SERGEF: variants seen among roughly 807,000 people sequenced by gnomAD.
SERGEF encodes the protein secretion regulating guanine nucleotide exchange factor, also known as secretion-regulating guanine nucleotide exchange factor.
In SERGEF, 51 loss-of-function variants were observed where a neutral mutation model predicts 50.0. That is an observed-to-expected ratio of 1.02 (90% CI 0.81 to 1.29). The LOEUF is 1.29. Ranked by LOEUF, SERGEF falls within the 50% of genes most tolerant of loss-of-function variation. The pLI is 0.00. For missense variants in SERGEF, 521 were observed against 557.0 expected, an observed-to-expected ratio of 0.94 and a Z score of 0.65; for synonymous variants, 205 against 212.4, an observed-to-expected ratio of 0.97 and a Z score of 0.30.
At chr11:17,852,838 C>A (rs1033817085) in intron 10 of SERGEF, among the ~76,000 whole-genome samples, 1 of 152,146 alleles carries the variant, frequency 6.6e-6, no homozygotes, top group Non-Finnish European at 1.5e-5. Context: ...CAAGGTCAGA[C>A]CGTGGGTAGG....
intron 10 of SERGEF, among the ~76,000 whole-genome samples, chr11:17,812,935 T>A (rs1849901010): frequency 6.6e-6 from 1 of 152,200 alleles, no homozygotes; most frequent in Non-Finnish European, 1.5e-5. Flanking sequence ...TTGGAGAGCG[T>A]GAAGGCAATG....
chr11:17,973,084 C>T (rs1040663469), intron 8 of SERGEF, among the ~76,000 whole-genome samples: 2 of 152,066 alleles, frequency 1.3e-5, no homozygotes, highest in African/African-American at 4.8e-5. Context: ...CGATGACTCA[C>T]AGTACCCAAG....
intron 9 of SERGEF, chr11:17,918,689 C>T: frequency 2.2e-6 from 1 of 454,826 alleles, no homozygotes; most frequent in South Asian, 1.6e-5. Context: ...CTTTCTCTCC[C>T]CCTACCTACT....
chr11:17,814,055 TA>T (rs1339445073), intron 10 of SERGEF, among the ~76,000 whole-genome samples: 1 of 152,186 alleles, frequency 6.6e-6, no homozygotes, highest in Non-Finnish European at 1.5e-5. Flanking sequence ...GCAATGACTT[TA>T]AAAAGGAGGG....
chr11:17,816,079 C>T (rs1380398292), intron 10 of SERGEF, among the ~76,000 whole-genome samples: 3 of 152,204 alleles, frequency 2.0e-5, no homozygotes, highest in African/African-American at 4.8e-5. Flanking sequence ...AGACTGCACT[C>T]TGCTTGAATA....
At chr11:17,945,280 T>A (rs1221619126) in intron 9 of SERGEF, among the ~76,000 whole-genome samples, 1 of 152,232 alleles carries the variant, frequency 6.6e-6, no homozygotes, top group Non-Finnish European at 1.5e-5. Context: ...TAATAATACA[T>A]CAGGTATTAC....
At chr11:17,820,116 T>A (rs1464532973) in intron 10 of SERGEF, among the ~76,000 whole-genome samples, 1 of 152,124 alleles carries the variant, frequency 6.6e-6, no homozygotes, top group Non-Finnish European at 1.5e-5. Context: ...AGTGCTGGGA[T>A]TATAGGCATG....
chr11:17,963,364 TAAAAAAAAAAAAA>T (rs1174880141), intron 8 of SERGEF, among the ~76,000 whole-genome samples: 1 of 49,882 alleles, frequency 2.0e-5, no homozygotes, highest in Admixed American at 3.0e-4. Context: ...TTACTATTAG[TAAAAAAAAAAAAA>T]AAAAAAAAAA....
At chr11:18,002,168 A>G (rs1472868087) in intron 4 of SERGEF, 1 of 371,534 alleles carries the variant, frequency 2.7e-6, no homozygotes, top group African/African-American at 2.1e-5. Context: ...TCCCCAAAAA[A>G]CTAACTGAAG....
chr11:17,788,461 G>A (rs1210706485), intron 10 of SERGEF, 48 bp from the exon 11 acceptor site: 3 of 1,482,084 alleles, frequency 2.0e-6, no homozygotes, highest in African/African-American at 1.4e-5. Context: ...TGGATAATAG[G>A]GCTGAAACAT....
intron 10 of SERGEF, among the ~76,000 whole-genome samples, chr11:17,789,847 T>A (rs1230122998): frequency 6.6e-6 from 1 of 152,220 alleles, no homozygotes; most frequent in Non-Finnish European, 1.5e-5. Context: ...TAGCCAGACA[T>A]GGTGGTGCAT....
intron 10 of SERGEF, among the ~76,000 whole-genome samples, chr11:17,876,490 G>A (rs1467912140): frequency 2.0e-5 from 3 of 152,208 alleles, no homozygotes; most frequent in African/African-American, 7.2e-5. Context: ...ATATCTGCCA[G>A]CCATTTCACA....
chr11:17,873,661 T>TGGAGGAGGAGGA (rs145195114), intron 10 of SERGEF, among the ~76,000 whole-genome samples: 58 of 148,248 alleles, frequency 3.9e-4, no homozygotes, highest in East Asian at 2.0e-3. Context: ...TGGCTCTGCT[T>TGGAGGAGGAGGA]GGAGGAGGAG....
intron 10 of SERGEF, among the ~76,000 whole-genome samples, chr11:17,810,475 G>A (rs1229520624): frequency 1.3e-5 from 2 of 152,202 alleles, no homozygotes; most frequent in East Asian, 3.9e-4. Context: ...TTTCAGAGCA[G>A]CAAGGGCATC....
chr11:17,878,025 C>T (rs986627107), intron 10 of SERGEF, 183 bp downstream of exon 10: 3 of 558,096 alleles, frequency 5.4e-6, no homozygotes, highest in African/African-American at 3.9e-5. Context: ...TGATATGAAT[C>T]GAAATATTCA....
chr11:17,846,771 T>C (rs1465733937), intron 10 of SERGEF: 1 of 456,214 alleles, frequency 2.2e-6, no homozygotes, highest in East Asian at 7.0e-5. Flanking sequence ...ACTGCAAAGA[T>C]TAAATGAGAG....
chr11:17,795,755 G>C (rs1386892032), intron 10 of SERGEF, among the ~76,000 whole-genome samples: 1 of 152,246 alleles, frequency 6.6e-6, no homozygotes, highest in Non-Finnish European at 1.5e-5. Flanking sequence ...ACAAGACCCA[G>C]AGAAGAGGAA....
chr11:17,815,613 T>TCAAAACAAAA (rs370860088), intron 10 of SERGEF, among the ~76,000 whole-genome samples: 2 of 132,592 alleles, frequency 1.5e-5, no homozygotes, highest in Admixed American at 1.6e-4. Context: ...AGACTCCATC[T>TCAAAACAAAA]CAAAACAAAA....
At chr11:17,877,243 A>G (rs2133897309) in intron 10 of SERGEF, among the ~76,000 whole-genome samples, 1 of 152,340 alleles carries the variant, frequency 6.6e-6, no homozygotes, top group South Asian at 2.1e-4. Flanking sequence ...CAAATCAGTC[A>G]GTGGTGGGGT....
Sources: gnomAD v4.1 joint callset for allele counts (sites outside exome capture counted in the v4.1 genomes callset) on GRCh38, gnomAD v4.1.1 for gene constraint, MANE v1.5 for transcripts, NCBI Gene and HGNC (gene_info 2026-07-23, HGNC 2026-07-21) for gene names.